FOXF2: variants seen among roughly 807,000 people sequenced by gnomAD.
FOXF2 encodes the protein forkhead box F2, also known as forkhead box protein F2.
Under a neutral mutation model 29.1 loss-of-function variants are expected in FOXF2, and 15 were observed. That is an observed-to-expected ratio of 0.52 (90% confidence interval 0.35 to 0.79). The LOEUF (loss-of-function observed/expected upper bound fraction) is 0.79. FOXF2 is among the 30% of genes least tolerant of loss of function. The probability of loss-of-function intolerance (pLI) is 0.01; values close to 1 mark genes in which losing one functional copy is unlikely to be tolerated. For synonymous variants in FOXF2, 337 were observed against 316.5 expected (o/e 1.06, Z -0.69); for missense variants, 675 against 667.1 (o/e 1.01, Z -0.13).
At position 1,391,044 on chromosome 6, in the gene FOXF2, G is replaced by C. The variant is rs764851838; in HGVS notation, c.1097G>C (p.Gly366Ala). Residue 366 changes from glycine to alanine, a missense_variant, in exon 1 of 2, where the codon GGC becomes GCC. By Grantham distance (60) the Gly-to-Ala change is moderately conservative. Transcript: ENST00000645481. ...AGCAGCAACCCCGCCGCCTCGGCAG[G>C]CCTGCACTCCAGCATGTCCTCCTAC... ...TPSSNPAASAGLHSSMSSYSL... is the reference protein window; with the variant it reads ...TPSSNPAASAALHSSMSSYSL... The C allele has an allele frequency of 1.2e-6, 2 of 1,601,760 alleles. No homozygotes were observed. Among genetic ancestry groups the C allele is most frequent in the Admixed American group, 3.3e-5 (2 of 59,740 alleles).
At position 1,390,088 on chromosome 6, in the gene FOXF2, C is replaced by A; in HGVS notation, c.141C>A (p.Ser47=). 1 of 1,427,466 alleles carries A rather than the reference C, an allele frequency of 7.0e-7. No individual in the cohort carries two copies. Among genetic ancestry groups the A allele is most frequent in the Non-Finnish European group, 9.2e-7 (1 of 1,081,240 alleles). The allele number at this position is 1,427,466 out of a possible 1,614,324, so 88.4% of individuals were successfully genotyped here. A position where few individuals can be genotyped will look rare whatever the true frequency, so the allele number is the denominator to read the frequency against. ...AAAAAPETTS[S]SSSSSSASCA... is the part of the protein sequence containing the mutation. ...CCGCCGCCCCGGAGACCACCTCCTC[C>A]TCCTCGTCGTCGTCCTCCGCCTCCT... Residue 47 remains serine, a synonymous_variant, in exon 1 of 2, where the codon TCC becomes TCA. Coordinates refer to ENST00000645481, the MANE Select transcript of FOXF2 (RefSeq NM_001452.2). This position sits in a 1 kb window ranked among gnomAD's most constrained non-coding sequence, Gnocchi z 8.5.
intron 1 of FOXF2, among the ~76,000 whole-genome samples, chr6:1,392,436 A>ACTCTCT (rs576421933): frequency 1.8e-5 from 2 of 113,342 alleles, no homozygotes; most frequent in African/African-American, 6.9e-5. Context: ...GCTGTCAATC[A>ACTCTCT]CACACACACA....
At position 1,391,083 on chromosome 6, in the gene FOXF2, G is replaced by A; in HGVS notation, c.1136G>A (p.Ser379Asn). 1 of 1,603,896 alleles carries A rather than the reference G, an allele frequency of 6.2e-7. No homozygotes were observed. The change falls in exon 1 of 2, where the codon AGC becomes AAC. Residue 379 changes from serine (S) to asparagine (N), a missense_variant. Ser to Asn is a conservative substitution (Grantham distance 46, BLOSUM62 1). This residue lies in a region of FOXF2 where 451 missense variants were observed against 437.2 expected (regional missense o/e 1.03). Transcript: ENST00000645481. ...ATGTCCTCCTACTCGCTGGAGCAGA[G>A]CTACTTGCACCAGAACGCTCGCGAG... ...SSMSSYSLEQ[S>N]YLHQNAREDL...
Position 1,391,043 on chromosome 6 carries a change from G to A in FOXF2, c.1096G>A (p.Gly366Ser). The A allele has an allele frequency of 6.2e-7, 1 of 1,601,816 alleles. No individual in the cohort carries two copies. The change falls in exon 1 of 2, where the codon GGC becomes AGC. Residue 366 changes from glycine (G) to serine (S), a missense_variant. Transcript: ENST00000645481. Reference sequence around the variant, plus strand: ...CAGCAGCAACCCCGCCGCCTCGGCAGGCCTGCACTCCAGCATGTCCTCCTA... The same window carrying A: ...CAGCAGCAACCCCGCCGCCTCGGCAAGCCTGCACTCCAGCATGTCCTCCTA... Reference protein sequence around the residue: ...TPSSNPAASAGLHSSMSSYSL... With the variant: ...TPSSNPAASASLHSSMSSYSL...
In FOXF2 at chr6:1,390,591, G is replaced by A; in HGVS notation, c.644G>A (p.Gly215Asp). 1 of 1,597,274 alleles carries A rather than the reference G, an allele frequency of 6.3e-7. No individual in the cohort carries two copies. Among genetic ancestry groups the A allele is most frequent in the African/African-American group, 1.3e-5 (1 of 74,710 alleles). The change falls in exon 1 of 2, where the codon GGC (glycine) becomes GAC (aspartate). Residue 215 changes from glycine (G) to aspartate (D), a missense_variant. By Grantham distance (94) the Gly-to-Asp change is moderately conservative (BLOSUM62 -1). This residue lies in a region of FOXF2 where 451 missense variants were observed against 437.2 expected (regional missense o/e 1.03). Coordinates refer to ENST00000645481, the MANE Select transcript of FOXF2 (RefSeq NM_001452.2). This position sits in a 1 kb window ranked among gnomAD's most constrained non-coding sequence, Gnocchi z 8.5. ...PMYHRVVSGL[G>D]FGASLLPQGF... is the part of the protein sequence containing the mutation. ...TACCACCGCGTGGTGAGCGGCTTGG[G>A]CTTCGGGGCGTCGCTGCTGCCCCAG...
At chr6:1,394,604 G>A in intron 1 of FOXF2, 92 bp from the exon 2 acceptor site, 1 of 1,236,670 alleles carries the variant, frequency 8.1e-7, no homozygotes, top group Non-Finnish European at 1.2e-6. Flanking sequence ...AGGCACAGCA[G>A]CACCTTTTGT....
At chr6:1,391,826 C>T (rs988752132) in intron 1 of FOXF2, among the ~76,000 whole-genome samples, 1 of 152,026 alleles carries the variant, frequency 6.6e-6, no homozygotes, top group African/African-American at 2.4e-5. Context: ...CTGAGAAATG[C>T]GCCTGCCCTG....
rs1216504833 is a variant in FOXF2, at chr6:1,390,984, C to T, written c.1037C>T (p.Ser346Leu). The stretch of plus-strand genomic sequence containing the variant: ...GCGCACTGGAGCTCGCCTGGCGCCT[C>T]GCCTTACCTCAAGCAGCCGCCTGCC... ...PAAHWSSPGA[S>L]PYLKQPPALT... The change falls in exon 1 of 2, where the codon TCG becomes TTG. Residue 346 changes from serine (S) to leucine (L), a missense_variant. Physicochemically the swap from Ser to Leu is moderately radical, Grantham distance 145. Transcript: ENST00000645481. This position sits in a 1 kb window ranked among gnomAD's most constrained non-coding sequence, Gnocchi z 8.5. The T allele has an allele frequency of 1.9e-6, 3 of 1,595,784 alleles. No homozygotes were observed. The highest frequency in any genetic ancestry group is 1.7e-5 in the Admixed American group (1 of 59,600).
At chr6:1,394,504 T>C (rs552808998) in intron 1 of FOXF2, among the ~76,000 whole-genome samples, 192 bp from the exon 2 acceptor site, 44 of 152,300 alleles carry the variant, frequency 2.9e-4, no homozygotes, top group African/African-American at 1.0e-3. Context: ...AACATAATGA[T>C]TCCAAAGCAA....
chr6:1,391,342 G>C (rs936931646), intron 1 of FOXF2, among the ~76,000 whole-genome samples: 7 of 152,236 alleles, frequency 4.6e-5, no homozygotes, highest in African/African-American at 1.7e-4. Flanking sequence ...CTTCAGAATT[G>C]TCTGGCTGCT....
Position 1,390,074 on chromosome 6 carries a change from G to T in FOXF2, c.127G>T (p.Glu43Ter). ...AAAAAAAAAP[E>*]TTSSSSSSSS... ...CGCCGCCGCCGCCGCCGCCGCCCCG[G>T]AGACCACCTCCTCCTCCTCGTCGTC... is the stretch of plus-strand genomic sequence containing the variant. Residue 43 changes from glutamate (E) to a stop codon, truncating the protein, a stop_gained, in exon 1 of 2, where the codon GAG becomes TAG. Coordinates refer to ENST00000645481, the MANE Select transcript of FOXF2 (RefSeq NM_001452.2). LOFTEE classifies it high-confidence loss of function. This position sits in a 1 kb window ranked among gnomAD's most constrained non-coding sequence, Gnocchi z 8.5. 7.1e-7 allele frequency: 1 copy of T among 1,401,582 alleles called. No homozygotes were observed. The allele number at this position is 1,401,582 out of a possible 1,614,324, so 86.8% of individuals were successfully genotyped here. A position where few individuals can be genotyped will look rare whatever the true frequency, so the allele number is the denominator to read the frequency against.
rs1010750362 is a variant in FOXF2, at chr6:1,389,882, G to A, written c.-66G>A. ...CTCGCAGGGCTTCTGGGCCGACCCC[G>A]CTCCGGCGCCTCCGCTTCCCGCCCG... is the stretch of plus-strand genomic sequence containing the variant. On this transcript the variant is annotated 5_prime_UTR_variant, in exon 1 of 2. Coordinates refer to ENST00000645481, the MANE Select transcript of FOXF2 (RefSeq NM_001452.2). 5.4e-6 allele frequency: 3 copies of A among 555,550 alleles called. No individual in the cohort carries two copies. The highest frequency in any genetic ancestry group is 6.5e-5 in the Admixed American group (1 of 15,366). The allele number at this position is 555,550 out of a possible 1,614,324, so 34.4% of individuals were successfully genotyped here.
rs1758780875 is a variant in FOXF2 at position 1,391,117 on chromosome 6, A to G, written c.1170A>G (p.Ser390=). 2 of 1,600,980 alleles carry G rather than the reference A, an allele frequency of 1.2e-6. No individual in the cohort carries two copies. The highest frequency in any genetic ancestry group is 1.7e-5 in the Admixed American group (1 of 59,978). The change falls in exon 1 of 2, where the codon TCA becomes TCG. Residue 390 remains serine, a splice_region_variant and synonymous_variant. Transcript: ENST00000645481. The part of the protein sequence containing the change: ...YLHQNAREDL[S]VGLPRYQHHS... ...ACCAGAACGCTCGCGAGGACCTCTCAGGTAACGCAGCACGCTCCAGCCCAG... is the reference window on the plus strand; with the variant it reads ...ACCAGAACGCTCGCGAGGACCTCTCGGGTAACGCAGCACGCTCCAGCCCAG...
At chr6:1,393,002 G>C (rs1213063072) in intron 1 of FOXF2, among the ~76,000 whole-genome samples, 1 of 152,210 alleles carries the variant, frequency 6.6e-6, no homozygotes. Flanking sequence ...TGGAGCGCCA[G>C]CGGTGGAGGC....
At chr6:1,394,632 G>A (rs1758862348) in intron 1 of FOXF2, 64 bp from the exon 2 acceptor site, 1 of 1,539,188 alleles carries the variant, frequency 6.5e-7, no homozygotes, top group Admixed American at 1.7e-5. Context: ...GGCAAAATAA[G>A]ACACCCTGCC....
intron 1 of FOXF2, among the ~76,000 whole-genome samples, chr6:1,394,092 A>ATGCC (rs1214647701): frequency 6.6e-6 from 1 of 152,240 alleles, no homozygotes; most frequent in Non-Finnish European, 1.5e-5. Context: ...ACCCACGAAG[A>ATGCC]TGCCTGCGGA....
In FOXF2 at chr6:1,390,875, C is replaced by A; in HGVS notation, c.928C>A (p.Pro310Thr). The change falls in exon 1 of 2, where the codon CCG becomes ACG. Residue 310 changes from proline to threonine, a missense_variant. Transcript: ENST00000645481. The surrounding 1 kb of genome is among the most constrained non-coding windows in gnomAD (Gnocchi z 8.5). ...AGGGGGGDYGPDSSSSPVPSS... is the reference protein window; with the variant it reads ...AGGGGGGDYGTDSSSSPVPSS... Reference sequence around the variant, plus strand: ...GGGCGGCGGCGGCGGCGACTACGGGCCGGACAGCAGCAGCAGCCCGGTACC... The same window carrying A: ...GGGCGGCGGCGGCGGCGACTACGGGACGGACAGCAGCAGCAGCCCGGTACC... 6.6e-7 allele frequency: 1 copy of A among 1,521,120 alleles called. No homozygotes were observed. The highest frequency in any genetic ancestry group is 8.8e-7 in the Non-Finnish European group (1 of 1,140,504). The allele number at this position is 1,521,120 out of a possible 1,614,324, so 94.2% of individuals were successfully genotyped here. A position where few individuals can be genotyped will look rare whatever the true frequency, so the allele number is the denominator to read the frequency against.
Position 1,390,557 on chromosome 6 carries a change from A to C in FOXF2, c.610A>C (p.Lys204Gln). The C allele has an allele frequency of 6.2e-7, 1 of 1,606,168 alleles. No individual in the cohort carries two copies. Among genetic ancestry groups the C allele is most frequent in the Non-Finnish European group, 8.5e-7 (1 of 1,178,876 alleles). The stretch of plus-strand genomic sequence containing the variant: ...CTTCAGGCGGAAGTGCCAGGCGCTC[A>C]AGCCCATGTACCACCGCGTGGTGAG... ...RGFRRKCQAL[K>Q]PMYHRVVSGL... Residue 204 changes from lysine to glutamine, a missense_variant, in exon 1 of 2, where the codon AAG (lysine) becomes CAG (glutamine). This residue lies in a region of FOXF2 where 451 missense variants were observed against 437.2 expected (regional missense o/e 1.03). Coordinates refer to ENST00000645481, the MANE Select transcript of FOXF2 (RefSeq NM_001452.2). The surrounding 1 kb of genome is among the most constrained non-coding windows in gnomAD (Gnocchi z 8.5).
rs1330645178 is a variant in FOXF2 at position 1,390,960 on chromosome 6, C to T, written c.1013C>T (p.Ala338Val). The change falls in exon 1 of 2, where the codon GCG becomes GTG. Residue 338 changes from alanine (A) to valine (V), a missense_variant. Physicochemically the swap from Ala to Val is moderately conservative, Grantham distance 64. Around this residue, in one of 3 missense-constraint regions of FOXF2, gnomAD observed 451 missense variants for 437.2 expected, o/e 1.03. Transcript: ENST00000645481. The surrounding 1 kb of genome is among the most constrained non-coding windows in gnomAD (Gnocchi z 8.5). ...ECHSPYTSPA[A>V]HWSSPGASPY... is the part of the protein sequence containing the mutation. ...CACTCGCCCTACACGAGCCCTGCGG[C>T]GCACTGGAGCTCGCCTGGCGCCTCG... is the stretch of plus-strand genomic sequence containing the variant. 1 of 1,592,000 alleles carries T rather than the reference C, an allele frequency of 6.3e-7. No individual in the cohort carries two copies. The highest frequency in any genetic ancestry group is 1.7e-5 in the Admixed American group (1 of 59,320).
Sources: allele counts gnomAD v4.1 joint callset (sites outside exome capture counted in the v4.1 genomes callset), GRCh38; gene constraint gnomAD v4.1.1; regional missense constraint gnomAD v4.1.1; non-coding constraint Gnocchi (gnomAD v3.1); transcripts MANE v1.5; gene names NCBI Gene and HGNC (gene_info 2026-07-23, HGNC 2026-07-21).